NRXN3: variants seen among roughly 807,000 people sequenced by gnomAD.
NRXN3 encodes the protein neurexin 3.
Under a neutral mutation model 137.6 loss-of-function variants are expected in NRXN3, and 32 were observed. The observed-to-expected ratio is 0.23, with a 90% confidence interval of 0.18 to 0.31. NRXN3 has a LOEUF of 0.31. NRXN3 is among the 10% of genes least tolerant of loss of function. NRXN3 has a pLI of 1.00. For missense variants in NRXN3, 1,574 were observed against 2,062.5 expected, an observed-to-expected ratio of 0.76 and a Z score of 4.59; for synonymous variants, 798 against 784.5, an observed-to-expected ratio of 1.02 and a Z score of -0.29.
chr14:79,465,317 T>C (rs1033595365), intron 15 of NRXN3, among the ~76,000 whole-genome samples: 9 of 152,186 alleles, frequency 5.9e-5, no homozygotes, highest in Admixed American at 2.0e-4. Context: ...CATATAGAAT[T>C]AATCATAGAC....
chr14:79,084,666 T>C (rs1425754100), intron 15 of NRXN3, among the ~76,000 whole-genome samples: 1 of 152,194 alleles, frequency 6.6e-6, no homozygotes, highest in Non-Finnish European at 1.5e-5. Flanking sequence ...TAAATGCCCC[T>C]ATTGTACCTT....
At chr14:78,837,383 A>T (rs1172371926) in intron 10 of NRXN3, among the ~76,000 whole-genome samples, 1 of 152,110 alleles carries the variant, frequency 6.6e-6, no homozygotes, top group Non-Finnish European at 1.5e-5. Flanking sequence ...CCAACTGTGA[A>T]TAGTGGCCAC....
At chr14:78,234,146 A>T (rs7161683) in intron 1 of NRXN3, among the ~76,000 whole-genome samples, 1 of 152,066 alleles carries the variant, frequency 6.6e-6, no homozygotes, top group Admixed American at 6.5e-5. Flanking sequence ...ATCTTCTGCC[A>T]TGATTGTGAG....
At chr14:79,547,043 G>C (rs2097327472) in intron 16 of NRXN3, among the ~76,000 whole-genome samples, 1 of 152,108 alleles carries the variant, frequency 6.6e-6, no homozygotes, top group Non-Finnish European at 1.5e-5. Context: ...TTAATGATCT[G>C]ATTCCCATGT....
chr14:78,602,354 G>T (rs1457125164), intron 4 of NRXN3: 1 of 147,640 alleles, frequency 6.8e-6, no homozygotes, highest in Non-Finnish European at 1.5e-5. Context: ...CCCATGTACT[G>T]GATTTTGGAG....
At chr14:79,181,623 A>G (rs754039779) in intron 15 of NRXN3, among the ~76,000 whole-genome samples, 1 of 150,616 alleles carries the variant, frequency 6.6e-6, no homozygotes, top group Non-Finnish European at 1.5e-5. Context: ...GGAGGATGCA[A>G]TCAGCCAAGA....
At position 79,861,444 on chromosome 14, in the gene NRXN3, G is replaced by A. The variant is rs1247492592; in HGVS notation, c.4196G>A (p.Arg1399Lys). The A allele has an allele frequency of 6.5e-7, 1 of 1,536,458 alleles. No homozygotes were observed. The highest frequency in any genetic ancestry group is 8.7e-7 in the Non-Finnish European group (1 of 1,147,016). ...FRPNKVSETSRTTTTSLSPEL... is the reference protein window; with the variant it reads ...FRPNKVSETSKTTTTSLSPEL... The stretch of plus-strand genomic sequence containing the variant: ...CCTAACAAAGTCTCCGAAACTAGTA[G>A]GACTACTACCACATCTTTATCCCCT... Residue 1399 changes from arginine to lysine, a missense_variant, in exon 21 of 21, where the codon AGG becomes AAG. Coordinates refer to ENST00000335750, the MANE Select transcript of NRXN3 (RefSeq NM_001330195.2). The surrounding 1 kb of genome is among the most constrained non-coding windows in gnomAD (Gnocchi z 5.4).
intron 16 of NRXN3, among the ~76,000 whole-genome samples, chr14:79,575,640 T>G (rs1544726): frequency 0.15 from 22,184 of 152,106 alleles, 2,006 homozygotes; most frequent in African/African-American, 0.26. Context: ...TAAAGCAGAA[T>G]TTCCCATCAC....
At chr14:78,913,399 C>A (rs1053775471) in intron 10 of NRXN3, among the ~76,000 whole-genome samples, 2 of 150,746 alleles carry the variant, frequency 1.3e-5, no homozygotes, top group Admixed American at 1.3e-4. Flanking sequence ...CCTGCCTCAG[C>A]CTCCTGAGTA....
At chr14:79,089,430 A>G (rs1408576765) in intron 15 of NRXN3, among the ~76,000 whole-genome samples, 2 of 152,164 alleles carry the variant, frequency 1.3e-5, no homozygotes, top group African/African-American at 2.4e-5. Flanking sequence ...GAATAAAAAC[A>G]TAGTTGAGAA....
intron 8 of NRXN3, among the ~76,000 whole-genome samples, chr14:78,789,423 A>G (rs2098798845): frequency 6.6e-6 from 1 of 152,112 alleles, no homozygotes; most frequent in Non-Finnish European, 1.5e-5. Context: ...TGCCACAGAT[A>G]TCTAGTGGGT....
intron 15 of NRXN3, among the ~76,000 whole-genome samples, chr14:79,144,617 G>A (rs1400346182): frequency 3.9e-5 from 6 of 152,176 alleles, no homozygotes; most frequent in East Asian, 1.9e-4. Flanking sequence ...CAGTGAAGAT[G>A]TTGTCAATGT....
At chr14:79,391,630 G>A (rs1028951314) in intron 15 of NRXN3, among the ~76,000 whole-genome samples, 2 of 152,202 alleles carry the variant, frequency 1.3e-5, no homozygotes, top group Non-Finnish European at 1.5e-5. Flanking sequence ...ATCAAAACTT[G>A]GAAGGGATTG....
intron 4 of NRXN3, among the ~76,000 whole-genome samples, chr14:78,476,540 A>G (rs892558239): frequency 1.1e-4 from 17 of 152,136 alleles, no homozygotes; most frequent in Non-Finnish European, 2.2e-4. Flanking sequence ...AAGAGAAATA[A>G]TTTTTTGTTT....
At chr14:79,421,551 GGAGCT>G (rs2095576077) in intron 15 of NRXN3, among the ~76,000 whole-genome samples, 1 of 152,182 alleles carries the variant, frequency 6.6e-6, no homozygotes, top group Non-Finnish European at 1.5e-5. Flanking sequence ...TAAGGTATAA[GGAGCT>G]GAAGTGAGCA....
chr14:79,835,559 G>A (rs1325383721), intron 20 of NRXN3, among the ~76,000 whole-genome samples: 1 of 152,042 alleles, frequency 6.6e-6, no homozygotes, highest in African/African-American at 2.4e-5. Flanking sequence ...TCTGTTCTGG[G>A]ATTTAGGGCT....
intron 2 of NRXN3, among the ~76,000 whole-genome samples, chr14:78,273,095 A>C (rs916964866): frequency 6.6e-6 from 1 of 152,234 alleles, no homozygotes; most frequent in Admixed American, 6.5e-5. Context: ...GAGAATGCTT[A>C]ATAAATATGA....
chr14:78,649,036 T>C (rs55892220), intron 5 of NRXN3, among the ~76,000 whole-genome samples: 149 of 152,294 alleles, frequency 9.8e-4, no homozygotes, highest in Non-Finnish European at 1.8e-3. Flanking sequence ...GTGCCCCAGG[T>C]GGCATGGTTT....
At chr14:79,257,327 A>G (rs979949021) in intron 15 of NRXN3, among the ~76,000 whole-genome samples, 55 of 68,728 alleles carry the variant, frequency 8.0e-4, no homozygotes, top group Non-Finnish European at 1.3e-3. Flanking sequence ...TTCTGTGGAT[A>G]GCAATTGTCT....
Sources: gnomAD v4.1 joint callset for allele counts (sites outside exome capture counted in the v4.1 genomes callset) on GRCh38, gnomAD v4.1.1 for gene constraint, Gnocchi (gnomAD v3.1) non-coding constraint, MANE v1.5 for transcripts, NCBI Gene and HGNC (gene_info 2026-07-23, HGNC 2026-07-21) for gene names.